The following IL1RAPL1 variants were observed in gnomAD, a reference collection of about 807,000 sequenced individuals.
IL1RAPL1 encodes the protein interleukin 1 receptor accessory protein like 1.
In IL1RAPL1, 3 loss-of-function variants were observed where a neutral mutation model predicts 48.4. The observed-to-expected ratio is 0.06, with a 90% CI of 0.03 to 0.16. The LOEUF (loss-of-function observed/expected upper bound fraction) is 0.16, where lower values mean the gene tolerates loss of function less well. Among genes scored for constraint, IL1RAPL1 ranks in the 10% least tolerant of loss-of-function variants. IL1RAPL1 has a pLI of 1.00. For synonymous variants in IL1RAPL1, 185 were observed against 187.7 expected (o/e 0.99, Z 0.12); for missense variants, 349 against 530.6 (o/e 0.66, Z 3.36).
chrX:28,734,883 G>C (rs968044325), intron 1 of IL1RAPL1, among the ~76,000 whole-genome samples: 41 of 111,558 alleles, frequency 3.7e-4, no homozygotes, highest in African/African-American at 1.3e-3. Flanking sequence ...TGTTGAAAAG[G>C]GTTTTCCTCA....
At chrX:29,556,386 C>T (rs1457417468) in intron 5 of IL1RAPL1, among the ~76,000 whole-genome samples, 5 of 111,541 alleles carry the variant, frequency 4.5e-5, no homozygotes, top group African/African-American at 6.5e-5. Flanking sequence ...TAGTGGCTCA[C>T]GCCTGTAATC....
chrX:29,195,710 C>G (rs1930430666), intron 2 of IL1RAPL1, among the ~76,000 whole-genome samples: 1 of 109,571 alleles, frequency 9.1e-6, no homozygotes, highest in Non-Finnish European at 1.9e-5. Flanking sequence ...CAGACATGCG[C>G]TACCACGACT....
At chrX:28,742,962 G>A (rs771810688) in intron 1 of IL1RAPL1, among the ~76,000 whole-genome samples, 1 of 111,770 alleles carries the variant, frequency 8.9e-6, no homozygotes, top group African/African-American at 3.2e-5. Flanking sequence ...GGCTTTGGTA[G>A]AAACCAAATG....
intron 5 of IL1RAPL1, among the ~76,000 whole-genome samples, chrX:29,479,746 C>T (rs1349185964): frequency 9.0e-6 from 1 of 110,569 alleles, no homozygotes; most frequent in Non-Finnish European, 1.9e-5. Flanking sequence ...TTAGCTCCCA[C>T]CTATAAGTGA....
At chrX:29,241,954 C>G (rs1931429908) in intron 2 of IL1RAPL1, among the ~76,000 whole-genome samples, 1 of 111,415 alleles carries the variant, frequency 9.0e-6, no homozygotes, top group Non-Finnish European at 1.9e-5. Flanking sequence ...CAAGATGGCC[C>G]AGAGACACAG....
chrX:29,257,071 CAGAG>C (rs1024124441), intron 2 of IL1RAPL1, among the ~76,000 whole-genome samples: 12 of 111,404 alleles, frequency 1.1e-4, no homozygotes, highest in Non-Finnish European at 1.7e-4. Context: ...TCAGAAGAGA[CAGAG>C]AGCATTTTTC....
intron 6 of IL1RAPL1, among the ~76,000 whole-genome samples, chrX:29,772,287 C>G (rs1741671164): frequency 9.2e-6 from 1 of 109,038 alleles, no homozygotes; most frequent in Non-Finnish European, 1.9e-5. Flanking sequence ...GATTCATTCT[C>G]AATTTTATTA....
intron 2 of IL1RAPL1, among the ~76,000 whole-genome samples, chrX:29,247,309 T>G (rs957861679): frequency 5.4e-5 from 6 of 111,733 alleles, no homozygotes; most frequent in Non-Finnish European, 1.1e-4. Context: ...TACATGTGAT[T>G]AAAAGAAAAA....
intron 6 of IL1RAPL1, among the ~76,000 whole-genome samples, chrX:29,912,337 A>T (rs1195749374): frequency 8.9e-6 from 1 of 112,086 alleles, no homozygotes; most frequent in African/African-American, 3.2e-5. Flanking sequence ...GAAAGTTCAA[A>T]GGATATTAAG....
chrX:29,353,574 A>C (rs2147654384), intron 3 of IL1RAPL1, among the ~76,000 whole-genome samples: 1 of 111,488 alleles, frequency 9.0e-6, no homozygotes, highest in Admixed American at 9.6e-5. Flanking sequence ...TAGAAACAAT[A>C]GGGAAACAGG....
chrX:28,972,461 G>A (rs7889876), intron 2 of IL1RAPL1, among the ~76,000 whole-genome samples: 27,422 of 110,726 alleles, frequency 0.25, 2,806 homozygotes, highest in East Asian at 0.51. Context: ...GCTGTGGGTC[G>A]GGCGCGGTGG....
intron 5 of IL1RAPL1, among the ~76,000 whole-genome samples, chrX:29,632,866 A>C (rs769982794): frequency 2.0e-4 from 22 of 112,081 alleles, no homozygotes; most frequent in African/African-American, 6.5e-4. Flanking sequence ...CTGCTACATG[A>C]TACCCATTCT....
chrX:28,699,296 C>A (rs1428215546), intron 1 of IL1RAPL1, among the ~76,000 whole-genome samples: 2 of 111,829 alleles, frequency 1.8e-5, no homozygotes, highest in Non-Finnish European at 3.8e-5. Flanking sequence ...GTAAAATACA[C>A]CTTGAACACA....
chrX:29,615,564 G>A (rs1223067602), intron 5 of IL1RAPL1, among the ~76,000 whole-genome samples: 1 of 111,173 alleles, frequency 9.0e-6, no homozygotes, highest in Non-Finnish European at 1.9e-5. Flanking sequence ...GGGAAACTAA[G>A]TGAGGGCAAA....
At chrX:29,636,558 A>C (rs141295469) in intron 5 of IL1RAPL1, among the ~76,000 whole-genome samples, 1,946 of 111,961 alleles carry the variant, frequency 0.017, 57 homozygotes, top group African/African-American at 0.06. Flanking sequence ...ACCTTTGAAC[A>C]TGAAAGAGAG....
chrX:28,682,570 G>A (rs1935073858), intron 1 of IL1RAPL1, among the ~76,000 whole-genome samples: 2 of 111,053 alleles, frequency 1.8e-5, no homozygotes, highest in African/African-American at 6.6e-5. Flanking sequence ...TACCATGCCC[G>A]GCCCCTGTTC....
rs1176693662 is a variant in IL1RAPL1, at chrX:28,949,776, T to G, written c.82+160351T>G. ...CTGTTCATGTCCTTCGCCCACTTTT[T>G]GATGGGGTTGTTTGTTTTTTTCTTG... On this transcript the variant is annotated intron_variant, in intron 2 of 10. Coordinates refer to ENST00000378993, the MANE Select transcript of IL1RAPL1 (RefSeq NM_014271.4). Among the ~76,000 whole-genome samples, 4 of 109,531 alleles carry G rather than the reference T, an allele frequency of 3.7e-5. No homozygotes were observed. The South Asian group carries it at 1.2e-3, about 33-fold the overall frequency.
chrX:29,862,933 A>C (rs1317392834), intron 6 of IL1RAPL1, among the ~76,000 whole-genome samples: 1 of 101,501 alleles, frequency 9.9e-6, no homozygotes, highest in Non-Finnish European at 2.0e-5. Context: ...GTGGTTACCT[A>C]TGGATACCGG....
Position 29,185,703 on chromosome X carries a change from T to C in IL1RAPL1, c.83-97235T>C, listed in dbSNP as rs896994114. Among the ~76,000 whole-genome samples the C allele has an allele frequency of 2.7e-5, 3 of 111,804 alleles. No homozygotes were observed. In the East Asian group the frequency reaches 8.4e-4, roughly 31 times the overall value. On this transcript the variant is annotated intron_variant, in intron 2 of 10. Transcript: ENST00000378993. ...ACCTGGATGTCAAGGTGATTTACAA[T>C]GTAACAGAGATATGATAAATCTACA...
Sources: gnomAD v4.1 joint callset for allele counts (sites outside exome capture counted in the v4.1 genomes callset) on GRCh38, gnomAD v4.1.1 for gene constraint, MANE v1.5 for transcripts, NCBI Gene and HGNC (gene_info 2026-07-23, HGNC 2026-07-21) for gene names.